Variants in CA10 observed in about 807,000 individuals in gnomAD.
CA10 encodes the protein carbonic anhydrase 10 (inactive).
CA10 carries 14 observed loss-of-function variants against 44.2 expected under a neutral mutation model. The observed-to-expected ratio is 0.32, with a 90% confidence interval of 0.21 to 0.50. The LOEUF (loss-of-function observed/expected upper bound fraction) is 0.50, where lower values mean the gene tolerates loss of function less well. CA10 is among the 20% of genes least tolerant of loss of function. The probability of loss-of-function intolerance (pLI) is 0.99; values close to 1 mark genes in which losing one functional copy is unlikely to be tolerated. For missense variants in CA10, 350 were observed against 409.7 expected (o/e 0.85, Z 1.26); for synonymous variants, 159 against 141.6 (o/e 1.12, Z -0.87).
intron 2 of CA10, among the ~76,000 whole-genome samples, chr17:52,065,031 C>G (rs1006592213): frequency 1.1e-4 from 16 of 152,226 alleles, no homozygotes; most frequent in African/African-American, 3.6e-4. Context: ...TGAGCTGGCC[C>G]CTGACCACCC....
chr17:51,995,682 T>G (rs1387318366), intron 2 of CA10, among the ~76,000 whole-genome samples: 1 of 152,090 alleles, frequency 6.6e-6, no homozygotes, highest in Non-Finnish European at 1.5e-5. Flanking sequence ...AAGTTATGTG[T>G]TCTTTGTGCA....
At chr17:51,634,628 G>A (rs900120291) in intron 7 of CA10, among the ~76,000 whole-genome samples, 2 of 152,136 alleles carry the variant, frequency 1.3e-5, no homozygotes, top group Non-Finnish European at 2.9e-5. Context: ...GCTCACACAG[G>A]AGGACCCATC....
At chr17:52,008,029 C>T (rs1985660723) in intron 2 of CA10, among the ~76,000 whole-genome samples, 1 of 151,582 alleles carries the variant, frequency 6.6e-6, no homozygotes, top group African/African-American at 2.4e-5. Context: ...ACTGTATCTA[C>T]AGTTGCATTA....
intron 2 of CA10, among the ~76,000 whole-genome samples, chr17:52,056,526 A>G (rs995172637): frequency 6.6e-6 from 1 of 152,112 alleles, no homozygotes; most frequent in African/African-American, 2.4e-5. Context: ...TTGCTGCATA[A>G]AAGCCTTTGC....
intron 3 of CA10, among the ~76,000 whole-genome samples, chr17:51,789,260 C>A (rs1906417028): frequency 6.6e-6 from 1 of 151,342 alleles, no homozygotes; most frequent in Non-Finnish European, 1.5e-5. Flanking sequence ...AGGAGATCCA[C>A]CCACGCTGGC....
chr17:51,665,989 A>G (rs1380494797), intron 4 of CA10, among the ~76,000 whole-genome samples: 3 of 152,252 alleles, frequency 2.0e-5, no homozygotes, highest in Non-Finnish European at 4.4e-5. Context: ...AAAAATATGA[A>G]TGTGCAGCTT....
At chr17:52,056,384 G>A (rs1271235216) in intron 2 of CA10, among the ~76,000 whole-genome samples, 3 of 152,042 alleles carry the variant, frequency 2.0e-5, no homozygotes, top group African/African-American at 7.2e-5. Context: ...CGGGTTGGTG[G>A]GGAGAAAGAA....
intron 2 of CA10, among the ~76,000 whole-genome samples, chr17:52,022,356 A>T (rs987412715): frequency 5.3e-5 from 8 of 152,106 alleles, no homozygotes; most frequent in African/African-American, 1.9e-4. Context: ...AACATAAATC[A>T]TATGATCATC....
intron 3 of CA10, 24 bp from the exon 4 acceptor site, chr17:51,747,842 C>T: frequency 6.3e-7 from 1 of 1,577,334 alleles, no homozygotes; most frequent in East Asian, 2.2e-5. Flanking sequence ...AGCAACAGGT[C>T]AAGCAAGGCC....
chr17:51,793,969 A>G (rs1482451936), intron 3 of CA10, among the ~76,000 whole-genome samples: 1 of 152,214 alleles, frequency 6.6e-6, no homozygotes, highest in African/African-American at 2.4e-5. Flanking sequence ...TACACAACAC[A>G]TCAAATGGCA....
At chr17:51,777,872 T>C (rs1905891280) in intron 3 of CA10, among the ~76,000 whole-genome samples, 2 of 152,152 alleles carry the variant, frequency 1.3e-5, no homozygotes, top group Admixed American at 6.5e-5. Flanking sequence ...GTTGAGGCTG[T>C]AGTGAGCCAT....
intron 3 of CA10, among the ~76,000 whole-genome samples, chr17:51,758,894 T>TA (rs1290641550): frequency 6.6e-6 from 1 of 152,182 alleles, no homozygotes; most frequent in Non-Finnish European, 1.5e-5. Flanking sequence ...GCTCAGCTCA[T>TA]ATGGCCAGTG....
At chr17:51,965,178 C>T (rs952219621) in intron 2 of CA10, among the ~76,000 whole-genome samples, 1 of 151,794 alleles carries the variant, frequency 6.6e-6, no homozygotes, top group Non-Finnish European at 1.5e-5. Flanking sequence ...AAATGAACAA[C>T]CTCCCATGAC....
chr17:51,878,182 GAAAA>G (rs1213221926), intron 3 of CA10, among the ~76,000 whole-genome samples: 1 of 128,010 alleles, frequency 7.8e-6, no homozygotes, highest in Non-Finnish European at 1.7e-5. Flanking sequence ...AAGGAAAAAA[GAAAA>G]AAACACAATG....
intron 1 of CA10, among the ~76,000 whole-genome samples, chr17:52,090,127 A>G (rs1192609978): frequency 2.0e-5 from 3 of 152,184 alleles, no homozygotes; most frequent in Admixed American, 2.0e-4. Flanking sequence ...GCTAGAAAAA[A>G]GCAACCTCAG....
chr17:51,641,255 G>C (rs1913076249), intron 6 of CA10, among the ~76,000 whole-genome samples: 1 of 151,946 alleles, frequency 6.6e-6, no homozygotes, highest in African/African-American at 2.4e-5. Context: ...GTCAAGTCAA[G>C]AGTCTTAATT....
chr17:51,635,919 G>C lies in CA10; in HGVS notation c.725C>G (p.Pro242Arg). ...FITYDGSMTI[P>R]PCYETASWII... ...CCAACTTGCTGTCTCATAGCAGGGT[G>C]GGATAGTCATCGACCCATCGTAAGT... is the stretch of plus-strand genomic sequence containing the variant. The change falls in exon 7 of 9, where the codon CCA becomes CGA. Residue 242 changes from proline to arginine, a missense_variant. Physicochemically the swap from Pro to Arg is moderately radical, Grantham distance 103 (BLOSUM62 -2). Coordinates refer to ENST00000451037, the MANE Select transcript of CA10 (RefSeq NM_020178.5). 1 of 1,609,504 alleles carries C rather than the reference G, an allele frequency of 6.2e-7. No individual in the cohort carries two copies. Among genetic ancestry groups the C allele is most frequent in the Non-Finnish European group, 8.5e-7 (1 of 1,176,856 alleles).
intron 4 of CA10, among the ~76,000 whole-genome samples, chr17:51,722,920 G>A (rs1270219172): frequency 6.6e-6 from 1 of 152,100 alleles, no homozygotes; most frequent in African/African-American, 2.4e-5. Context: ...TTTCTCCTTT[G>A]GTTATATCAT....
chr17:52,088,996 A>C (rs972724610), intron 1 of CA10, among the ~76,000 whole-genome samples: 2 of 152,210 alleles, frequency 1.3e-5, no homozygotes, highest in Non-Finnish European at 2.9e-5. Context: ...TTTGTTTAGA[A>C]AGTAAGCAAT....
Sources: gnomAD v4.1 joint callset for allele counts (sites outside exome capture counted in the v4.1 genomes callset) on GRCh38, gnomAD v4.1.1 for gene constraint, MANE v1.5 for transcripts, NCBI Gene and HGNC (gene_info 2026-07-23, HGNC 2026-07-21) for gene names.